OR8H1: variants seen among roughly 807,000 people sequenced by gnomAD.
OR8H1 encodes olfactory receptor family 8 subfamily H member 1, also known as olfactory receptor 8H1.
For missense variants in OR8H1, 388 were observed against 374.1 expected (o/e 1.04, Z -0.31); for synonymous variants, 135 against 134.5 (o/e 1.00, Z -0.03).
In OR8H1 at chr11:56,290,010, G is replaced by T; in HGVS notation, c.*117C>A. 1 of 884,942 alleles carries T rather than the reference G, an allele frequency of 1.1e-6. No homozygotes were observed. Among genetic ancestry groups the T allele is most frequent in the Non-Finnish European group, 1.9e-6 (1 of 521,772 alleles). 54.8% of individuals were successfully genotyped at this position (884,942 alleles called of 1,614,324 possible). On this transcript the variant is annotated 3_prime_UTR_variant, in exon 2 of 2. Coordinates refer to ENST00000641600, the MANE Select transcript of OR8H1 (RefSeq NM_001005199.2). Reference sequence around the variant, plus strand: ...ATCACGTTTAGTCAAGCAAAGGTTAGCACAACAGAAATGCAAACATGAAGG... The same window carrying T: ...ATCACGTTTAGTCAAGCAAAGGTTATCACAACAGAAATGCAAACATGAAGG...
At position 56,289,905 on chromosome 11, in the gene OR8H1, C is replaced by A. The variant is rs1259109048; in HGVS notation, c.*222G>T. ...AGAGTGCTGGGATTATAGGCATGAGCCACCGTGCCCGGCCAACACATATTA... is the reference window on the plus strand; with the variant it reads ...AGAGTGCTGGGATTATAGGCATGAGACACCGTGCCCGGCCAACACATATTA... On this transcript the variant is annotated 3_prime_UTR_variant, in exon 2 of 2. Coordinates refer to ENST00000641600, the MANE Select transcript of OR8H1 (RefSeq NM_001005199.2). 1 of 565,994 alleles carries A rather than the reference C, an allele frequency of 1.8e-6. No homozygotes were observed. The allele number at this position is 565,994 out of a possible 1,614,324, so 35.1% of individuals were successfully genotyped here.
intron 1 of OR8H1, 130 bp from the exon 2 acceptor site, chr11:56,291,214 G>A (rs10501350): frequency 0.12 from 69,201 of 572,144 alleles, 4,720 homozygotes; most frequent in South Asian, 0.13. Flanking sequence ...ACCTTAAAAC[G>A]GAATTATATT....
chr11:56,290,230 G>T lies in OR8H1; in HGVS notation c.833C>A (p.Thr278Asn). Reference sequence around the variant, plus strand: ...TGGATTCAGCATGGGAATCACAATAGTATAAAAAACAGAAGCCACTTGATC... The same window carrying T: ...TGGATTCAGCATGGGAATCACAATATTATAAAAAACAGAAGCCACTTGATC... ...GRDQVASVFY[T>N]IVIPMLNPLI... The change falls in exon 2 of 2, where the codon ACT becomes AAT. Residue 278 changes from threonine (T) to asparagine (N), a missense_variant. Physicochemically the swap from Thr to Asn is moderately conservative, Grantham distance 65. Transcript: ENST00000641600. 4 of 1,611,982 alleles carry T rather than the reference G, an allele frequency of 2.5e-6. No homozygotes were observed. The highest frequency in any genetic ancestry group is 3.4e-6 in the Non-Finnish European group (4 of 1,179,068).
Sources: allele counts gnomAD v4.1 joint callset, GRCh38; gene constraint gnomAD v4.1.1; transcripts MANE v1.5; gene names NCBI Gene and HGNC (gene_info 2026-07-23, HGNC 2026-07-21).